The following HCCS variants were observed in gnomAD, a reference collection of about 807,000 sequenced individuals.
HCCS encodes holocytochrome c synthase.
Under a neutral mutation model 24.2 loss-of-function variants are expected in HCCS, and 2 were observed. That is an observed-to-expected ratio of 0.08 (90% CI 0.03 to 0.26). HCCS has a LOEUF of 0.26. HCCS is among the 10% of genes least tolerant of loss of function. The pLI is 1.00. For synonymous variants in HCCS, 73 were observed against 76.2 expected (o/e 0.96, Z 0.22); for missense variants, 150 against 213.3 (o/e 0.70, Z 1.85).
chrX:11,121,720 G>A lies in HCCS; in HGVS notation c.717G>A (p.Gln239=), dbSNP rs2045493237. The change falls in exon 7 of 7, where the codon CAG becomes CAA. Residue 239 remains glutamine, a synonymous_variant. Coordinates refer to ENST00000380762, the MANE Select transcript of HCCS (RefSeq NM_005333.5). ...GTGGTGAAGTCAACAAGGACTACCAGTTCACCATCCTGGACGTCCGTCCTG... is the reference window on the plus strand; with the variant it reads ...GTGGTGAAGTCAACAAGGACTACCAATTCACCATCCTGGACGTCCGTCCTG... ...YDGGEVNKDY[Q]FTILDVRPAL... 1 of 1,207,764 alleles carries A rather than the reference G, an allele frequency of 8.3e-7. No homozygotes were observed. Among genetic ancestry groups the A allele is most frequent in the Admixed American group, 2.2e-5 (1 of 45,850 alleles).
At chrX:11,118,471 T>C in intron 4 of HCCS, 30 bp from the exon 5 acceptor site, 1 of 1,178,574 alleles carries the variant, frequency 8.5e-7, no homozygotes, top group Non-Finnish European at 1.2e-6. Flanking sequence ...CAGGAACAGT[T>C]GTCAAATTTT....
rs766040746 is a variant in HCCS at position 11,121,589 on chromosome X, T to C, written c.609-23T>C. 5 of 1,173,896 alleles carry C rather than the reference T, an allele frequency of 4.3e-6. No individual in the cohort carries two copies. The African/African-American group carries it at 7.0e-5, about 17-fold the overall frequency. On this transcript the variant is annotated intron_variant, in intron 6 of 6. Coordinates refer to ENST00000380762, the MANE Select transcript of HCCS (RefSeq NM_005333.5). ...GAATGTATTGCAAGCATTTTAACACTCAGTGGCATGTTTTTATTCCAGGTA... is the reference window on the plus strand; with the variant it reads ...GAATGTATTGCAAGCATTTTAACACCCAGTGGCATGTTTTTATTCCAGGTA...
In HCCS at chrX:11,112,137, C is replaced by T. The variant is rs1482643554; in HGVS notation, c.77C>T (p.Pro26Leu). 3.3e-6 allele frequency: 4 copies of T among 1,200,840 alleles called. No individual in the cohort carries two copies. The highest frequency in any genetic ancestry group is 3.0e-5 in the East Asian group (1 of 33,817). ...NASASPPSGC[P>L]MHEGKMKGCP... ...TCAGCGTCCCCACCTTCAGGATGCC[C>T]GATGCATGAAGGGAAAATGAAAGGT... The change falls in exon 2 of 7, where the codon CCG (proline) becomes CTG (leucine). Residue 26 changes from proline (P) to leucine (L), a missense_variant. Physicochemically the swap from Pro to Leu is moderately conservative, Grantham distance 98. Transcript: ENST00000380762.
At chrX:11,114,770 T>A (rs2045435879) in intron 2 of HCCS, 65 bp from the exon 3 acceptor site, 1 of 1,013,336 alleles carries the variant, frequency 9.9e-7, no homozygotes, top group South Asian at 1.9e-5. Context: ...TCTTTAGTGC[T>A]CCAATTGAGA....
At chrX:11,117,829 G>A (rs1307187864) in intron 4 of HCCS, among the ~76,000 whole-genome samples, 2 of 111,849 alleles carry the variant, frequency 1.8e-5, no homozygotes, top group East Asian at 5.6e-4. Context: ...CCAAAGGCAG[G>A]AAAAGTCCAA....
rs756137488 is a variant in HCCS, at chrX:11,122,169, GA to G, written c.*361del. 58 of 184,099 alleles carry G rather than the reference GA, an allele frequency of 3.2e-4. No homozygotes were observed. In the South Asian group the frequency reaches 3.6e-3, roughly 12 times the overall value. 15.2% of individuals were successfully genotyped at this position (184,099 alleles called of 1,213,427 possible). On this transcript the variant is annotated 3_prime_UTR_variant, in exon 7 of 7. Transcript: ENST00000380762. ...CTTTTTTTTCTTACTATTTTCTCAG[GA>G]ATACTCCAGAGATGTAAAGCCTGAG...
At chrX:11,113,191 G>A (rs1279228798) in intron 2 of HCCS, among the ~76,000 whole-genome samples, 1 of 112,000 alleles carries the variant, frequency 8.9e-6, no homozygotes, top group Non-Finnish European at 1.9e-5. Flanking sequence ...AAGCAACATG[G>A]TGTGCTTACT....
chrX:11,116,679 G>A (rs1049831135), intron 3 of HCCS, among the ~76,000 whole-genome samples: 12 of 112,369 alleles, frequency 1.1e-4, no homozygotes, highest in South Asian at 3.7e-4. Context: ...TGCCACGGAT[G>A]AGAGACCCTG....
rs2147254504 is a variant in HCCS, at chrX:11,122,461, A to T, written c.*651A>T. Reference sequence around the variant, plus strand: ...TACCTTCCTTTGGAACATACCTTTTAAAAAATGTTCCCTTTAAATCCTGTT... The same window carrying T: ...TACCTTCCTTTGGAACATACCTTTTTAAAAATGTTCCCTTTAAATCCTGTT... On this transcript the variant is annotated 3_prime_UTR_variant, in exon 7 of 7. Coordinates refer to ENST00000380762, the MANE Select transcript of HCCS (RefSeq NM_005333.5). 1 of 112,215 alleles carries T rather than the reference A, an allele frequency of 8.9e-6. No homozygotes were observed. Among genetic ancestry groups the T allele is most frequent in the East Asian group, 2.8e-4 (1 of 3,574 alleles). The allele number at this position is 112,215 out of a possible 1,213,427, so 9.2% of individuals were successfully genotyped here. A position where few individuals can be genotyped will look rare whatever the true frequency, so the allele number is the denominator to read the frequency against.
chrX:11,120,251 C>T (rs556800215), intron 5 of HCCS, among the ~76,000 whole-genome samples: 13 of 111,388 alleles, frequency 1.2e-4, no homozygotes, highest in African/African-American at 3.9e-4. Flanking sequence ...GTGAACTCCA[C>T]GAGGACAGTG....
At chrX:11,117,118 C>G in intron 3 of HCCS, 149 bp from the exon 4 acceptor site, 1 of 521,989 alleles carries the variant, frequency 1.9e-6, no homozygotes. Flanking sequence ...TCAAAACAGT[C>G]AAATTATGTG....
Position 11,121,138 on chromosome X carries a change from T to C in HCCS, c.608+145T>C, listed in dbSNP as rs2045488409. On this transcript the variant is annotated intron_variant, in intron 6 of 6. Coordinates refer to ENST00000380762, the MANE Select transcript of HCCS (RefSeq NM_005333.5). The stretch of plus-strand genomic sequence containing the variant: ...TGTAGATGTCTTTCTCTCCCTGAGG[T>C]TTGCCCATTAATGGGCAGATTTATT... 9 of 548,197 alleles carry C rather than the reference T, an allele frequency of 1.6e-5. No homozygotes were observed. The South Asian group carries it at 2.2e-4, about 13-fold the overall frequency. 45.2% of individuals were successfully genotyped at this position (548,197 alleles called of 1,213,427 possible).
At chrX:11,121,554 A>C in intron 6 of HCCS, 58 bp from the exon 7 acceptor site, 1 of 1,014,400 alleles carries the variant, frequency 9.9e-7, no homozygotes, top group South Asian at 1.9e-5. Flanking sequence ...TCATGGCTTA[A>C]ACCGGGACTG....
chrX:11,115,614 A>C (rs903206163), intron 3 of HCCS, among the ~76,000 whole-genome samples: 1 of 112,134 alleles, frequency 8.9e-6, no homozygotes, highest in African/African-American at 3.2e-5. Context: ...GCCTGTAAAG[A>C]AACTAGAAAT....
rs966245953 is a variant in HCCS at position 11,121,909 on chromosome X, T to C, written c.*99T>C. 2 of 663,035 alleles carry C rather than the reference T, an allele frequency of 3.0e-6. No individual in the cohort carries two copies. The highest frequency in any genetic ancestry group is 4.8e-6 in the Non-Finnish European group (2 of 419,991). The allele number at this position is 663,035 out of a possible 1,213,427, so 54.6% of individuals were successfully genotyped here. ...ATTGCACTCATGATGTAATGGGAAC[T>C]TCAAGTGGGTAATCACACTTTTTCC... On this transcript the variant is annotated 3_prime_UTR_variant, in exon 7 of 7. Transcript: ENST00000380762.
chrX:11,111,423 G>A lies in HCCS; in HGVS notation c.-138G>A, dbSNP rs2045407462. 2 of 156,291 alleles carry A rather than the reference G, an allele frequency of 1.3e-5. No homozygotes were observed. The highest frequency in any genetic ancestry group is 2.4e-5 in the Non-Finnish European group (2 of 82,035). 12.9% of individuals were successfully genotyped at this position (156,291 alleles called of 1,213,427 possible). On this transcript the variant is annotated 5_prime_UTR_variant, in exon 1 of 7. Coordinates refer to ENST00000380762, the MANE Select transcript of HCCS (RefSeq NM_005333.5). ...TGGGTTCGGGTTGGCGACTGAAGGC[G>A]GTACCGGCCTCCCGGAACAGCCCGG...
In HCCS at chrX:11,112,138, G is replaced by A. The variant is rs371547612; in HGVS notation, c.78G>A (p.Pro26=). The change falls in exon 2 of 7, where the codon CCG becomes CCA. Residue 26 remains proline (P), a synonymous_variant. Coordinates refer to ENST00000380762, the MANE Select transcript of HCCS (RefSeq NM_005333.5). The part of the protein sequence containing the change: ...NASASPPSGC[P]MHEGKMKGCP... ...CAGCGTCCCCACCTTCAGGATGCCC[G>A]ATGCATGAAGGGAAAATGAAAGGTA... 5.8e-6 allele frequency: 7 copies of A among 1,198,898 alleles called. No homozygotes were observed. Among genetic ancestry groups the A allele is most frequent in the Admixed American group, 2.2e-5 (1 of 45,857 alleles).
At chrX:11,116,414 G>C (rs754343373) in intron 3 of HCCS, among the ~76,000 whole-genome samples, 1 of 112,797 alleles carries the variant, frequency 8.9e-6, no homozygotes, top group East Asian at 2.8e-4. Context: ...ACACTGTGGT[G>C]ATAATGCAGG....
At position 11,112,704 on chromosome X, in the gene HCCS, C is replaced by T. The variant is rs185145412; in HGVS notation, c.100+544C>T. Among the ~76,000 whole-genome samples the T allele has an allele frequency of 5.3e-5, 6 of 113,009 alleles. No homozygotes were observed. The East Asian group carries it at 8.3e-4, about 16-fold the overall frequency. ...TGATGATTGAGGTAGTACATGAGAA[C>T]GTAGTGAGTACTCTAAACCAGCCCC... On this transcript the variant is annotated intron_variant, in intron 2 of 6. Transcript: ENST00000380762.
Sources: gnomAD v4.1 joint callset for allele counts (sites outside exome capture counted in the v4.1 genomes callset) on GRCh38, gnomAD v4.1.1 for gene constraint, MANE v1.5 for transcripts, NCBI Gene and HGNC (gene_info 2026-07-23, HGNC 2026-07-21) for gene names.